TMEM209: variants seen among roughly 807,000 people sequenced by gnomAD.
TMEM209 encodes the protein transmembrane protein 209.
A neutral mutation model predicts 76.2 loss-of-function variants in TMEM209; 65 were observed. That is an observed-to-expected ratio of 0.85 (90% CI 0.70 to 1.05). The LOEUF is 1.05. TMEM209 is among the 50% of genes least tolerant of loss of function. The pLI, the probability that TMEM209 is intolerant of heterozygous loss-of-function variation, is 0.00. For synonymous variants in TMEM209, 239 were observed against 237.6 expected, an observed-to-expected ratio of 1.01 and a Z score of -0.06; for missense variants, 623 against 685.5, an observed-to-expected ratio of 0.91 and a Z score of 1.02.
At chr7:130,193,111 CT>C (rs1199040919) in intron 5 of TMEM209, among the ~76,000 whole-genome samples, 1 of 152,200 alleles carries the variant, frequency 6.6e-6, no homozygotes, top group Non-Finnish European at 1.5e-5. Context: ...GAGTTGAAAA[CT>C]TACGGCCACA....
At chr7:130,169,164 C>T (rs537300404) in intron 14 of TMEM209, among the ~76,000 whole-genome samples, 86 of 137,032 alleles carry the variant, frequency 6.3e-4, no homozygotes, top group Non-Finnish European at 8.9e-4. Context: ...CACTGTACTC[C>T]GGCCTAGGTG....
In TMEM209 at chr7:130,172,432, T is replaced by A. The variant is rs113736279; in HGVS notation, c.1557+1200A>T. Among the ~76,000 whole-genome samples, 959 of 152,120 alleles carry A rather than the reference T, an allele frequency of 6.3e-3. 8 individuals are homozygous for A. The highest frequency in any genetic ancestry group is 0.021 in the African/African-American group (872 of 41,514). On this transcript the variant is annotated intron_variant, in intron 13 of 14. Transcript: ENST00000397622. ...ATCTCGGCTCACTGCAAGCTCCGCC[T>A]CCTGGGTTCACGCCATTCTCCTGCC...
At chr7:130,172,625 A>T (rs1225265651) in intron 13 of TMEM209, among the ~76,000 whole-genome samples, 1 of 152,216 alleles carries the variant, frequency 6.6e-6, no homozygotes, top group African/African-American at 2.4e-5. Flanking sequence ...ATAATAAAAA[A>T]TAAGAAATAC....
At chr7:130,169,933 T>A (rs569711568) in intron 14 of TMEM209, among the ~76,000 whole-genome samples, 2 of 152,292 alleles carry the variant, frequency 1.3e-5, no homozygotes, top group South Asian at 2.1e-4. Flanking sequence ...TCTTGCAGTA[T>A]GTGAGCTTTG....
In TMEM209 at chr7:130,201,624, C is replaced by T. The variant is rs185685942; in HGVS notation, c.573+226G>A. 9.9e-5 allele frequency among the ~76,000 whole-genome samples: 15 copies of T among 152,184 alleles called. No homozygotes were observed. The East Asian group carries it at 2.3e-3, about 23-fold the overall frequency. ...CTTGTTTTAAAGACAGCTGAAAGATCGTAGATGGTGCACTAAGTTTGTTAT... is the reference window on the plus strand; with the variant it reads ...CTTGTTTTAAAGACAGCTGAAAGATTGTAGATGGTGCACTAAGTTTGTTAT... On this transcript the variant is annotated intron_variant, in intron 5 of 14. Transcript: ENST00000397622.
At chr7:130,170,373 T>C (rs375768402) in intron 14 of TMEM209, 27 bp downstream of exon 14, 68 of 1,576,164 alleles carry the variant, frequency 4.3e-5, no homozygotes, top group Non-Finnish European at 5.7e-5. Context: ...AAATAACTAC[T>C]TACGTTTTTA....
chr7:130,167,251 C>T (rs1028273411), intron 14 of TMEM209, among the ~76,000 whole-genome samples: 1 of 152,052 alleles, frequency 6.6e-6, no homozygotes, highest in African/African-American at 2.4e-5. Flanking sequence ...ACTTTTAGCC[C>T]TCTATGACTT....
At chr7:130,179,375 T>C (rs1362647492) in intron 9 of TMEM209, among the ~76,000 whole-genome samples, 2 of 152,080 alleles carry the variant, frequency 1.3e-5, no homozygotes, top group African/African-American at 4.8e-5. Context: ...TTTTGGCAAA[T>C]CTATAAACAA....
intron 4 of TMEM209, 114 bp from the exon 5 acceptor site, chr7:130,202,205 T>A: frequency 7.5e-7 from 1 of 1,329,104 alleles, no homozygotes; most frequent in South Asian, 1.5e-5. Context: ...CAGAGTTACT[T>A]GGTTGTTAAA....
intron 8 of TMEM209, among the ~76,000 whole-genome samples, chr7:130,183,919 G>A (rs915426120): frequency 6.6e-6 from 1 of 152,076 alleles, no homozygotes; most frequent in African/African-American, 2.4e-5. Context: ...ACTGAGAACT[G>A]AAAAGGGAGG....
chr7:130,203,903 CAA>C, intron 2 of TMEM209, 57 bp from the exon 3 acceptor site: 1 of 1,592,716 alleles, frequency 6.3e-7, no homozygotes, highest in Non-Finnish European at 8.5e-7. Context: ...AAATCAAAAA[CAA>C]ACACAAAAAC....
At position 130,201,867 on chromosome 7, in the gene TMEM209, C is replaced by A. The variant is rs775337438; in HGVS notation, c.556G>T (p.Val186Phe). 6.2e-6 allele frequency: 10 copies of A among 1,613,778 alleles called. No individual in the cohort carries two copies. The African/African-American group carries it at 1.3e-4, about 22-fold the overall frequency. ...GTCATTACCTTATTATAACCACTGACGGGCGAGTAGGTCACTCCAGGGCTA... is the reference window on the plus strand; with the variant it reads ...GTCATTACCTTATTATAACCACTGAAGGGCGAGTAGGTCACTCCAGGGCTA... ...SYSPGVTYSPVSGYNKLASFS... is the reference protein window; with the variant it reads ...SYSPGVTYSPFSGYNKLASFS... Residue 186 changes from valine (V) to phenylalanine (F), a missense_variant, in exon 5 of 15, where the codon GTC becomes TTC. Val to Phe is a conservative substitution (Grantham distance 50). Transcript: ENST00000397622.
At chr7:130,203,951 T>C (rs778614924) in intron 2 of TMEM209, 23 bp downstream of exon 2, 1 of 1,606,132 alleles carries the variant, frequency 6.2e-7, no homozygotes, top group South Asian at 1.1e-5. Flanking sequence ...AAAGTTTCAC[T>C]TTTTTTGGAC....
At chr7:130,197,030 C>A (rs1035216951) in intron 5 of TMEM209, among the ~76,000 whole-genome samples, 1 of 152,064 alleles carries the variant, frequency 6.6e-6, no homozygotes, top group Non-Finnish European at 1.5e-5. Context: ...AGTTTGAGAC[C>A]AACCCAGGCA....
At chr7:130,203,621 A>G (rs1232191887) in intron 3 of TMEM209, among the ~76,000 whole-genome samples, 167 bp downstream of exon 3, 1 of 152,228 alleles carries the variant, frequency 6.6e-6, no homozygotes, top group Non-Finnish European at 1.5e-5. Context: ...TGTTCCTTTC[A>G]TAATAGCAGG....
At chr7:130,187,457 G>A (rs1797640447) in intron 6 of TMEM209, among the ~76,000 whole-genome samples, 1 of 151,964 alleles carries the variant, frequency 6.6e-6, no homozygotes, top group Admixed American at 6.6e-5. Flanking sequence ...TTGCCCAAGT[G>A]GGAAACGGAG....
At chr7:130,167,471 T>C (rs1332754051) in intron 14 of TMEM209, among the ~76,000 whole-genome samples, 1 of 152,166 alleles carries the variant, frequency 6.6e-6, no homozygotes, top group Admixed American at 6.5e-5. Context: ...TTGCACACTT[T>C]ATGAAGAAAT....
chr7:130,187,175 G>A (rs935762033), intron 6 of TMEM209, among the ~76,000 whole-genome samples: 10 of 151,524 alleles, frequency 6.6e-5, no homozygotes, highest in African/African-American at 1.2e-4. Flanking sequence ...CCCGGGAAGC[G>A]GAGGTTTCAG....
At chr7:130,179,083 T>C (rs1171522390) in intron 9 of TMEM209, among the ~76,000 whole-genome samples, 1 of 152,208 alleles carries the variant, frequency 6.6e-6, no homozygotes, top group South Asian at 2.1e-4. Flanking sequence ...CCATCGTGCC[T>C]GGCCCAAAGT....
Sources: gnomAD v4.1 joint callset for allele counts (sites outside exome capture counted in the v4.1 genomes callset) on GRCh38, gnomAD v4.1.1 for gene constraint, MANE v1.5 for transcripts, NCBI Gene and HGNC (gene_info 2026-07-23, HGNC 2026-07-21) for gene names.